CPED1: variants seen among roughly 807,000 people sequenced by gnomAD.
CPED1 encodes the protein cadherin-like and PC-esterase domain-containing protein 1.
Under a neutral mutation model 128.2 loss-of-function variants are expected in CPED1, and 114 were observed. The observed-to-expected ratio is 0.89, with a 90% CI of 0.76 to 1.04. The LOEUF is 1.04. Ranked by LOEUF, CPED1 falls within the 50% of genes least tolerant of loss-of-function variation. The pLI is 0.00. For missense variants in CPED1, 1,211 were observed against 1,207.1 expected (o/e 1.00, Z -0.05); for synonymous variants, 462 against 426.7 (o/e 1.08, Z -1.02).
chr7:121,227,259 C>T lies in CPED1; in HGVS notation c.2056-9455C>T, dbSNP rs545784779. ...GCTGGGCCCCACACCTACATCCATC[C>T]GTTTCTTCTCCTTCCATTGATCCTA... On this transcript the variant is annotated intron_variant, in intron 16 of 22. Transcript: ENST00000310396. 3.3e-5 allele frequency among the ~76,000 whole-genome samples: 5 copies of T among 152,092 alleles called. No homozygotes were observed. The South Asian group carries it at 8.3e-4, about 25-fold the overall frequency.
Position 120,989,844 on chromosome 7 carries a change from T to G in CPED1, c.223T>G (p.Ser75Ala). The change falls in exon 2 of 23, where the codon TCT becomes GCT. Residue 75 changes from serine (S) to alanine (A), a missense_variant. Physicochemically the swap from Ser to Ala is moderately conservative, Grantham distance 99 (BLOSUM62 1). Coordinates refer to ENST00000310396, the MANE Select transcript of CPED1 (RefSeq NM_024913.5). ...TCAGGACAAACAGTGCTTCCTTCTC[T>G]CTGGTAATGCCCAGGAAACCAGAAA... ...FSQDKQCFLL[S>A]GNAQETRKVK... The G allele has an allele frequency of 1.9e-6, 3 of 1,614,140 alleles. No homozygotes were observed. The highest frequency in any genetic ancestry group is 2.5e-6 in the Non-Finnish European group (3 of 1,180,034).
chr7:121,213,553 G>A (rs7786203), intron 16 of CPED1, among the ~76,000 whole-genome samples: 54,779 of 151,786 alleles, frequency 0.36, 10,212 homozygotes, highest in Middle Eastern at 0.5. Context: ...TTTAAAGAGC[G>A]AATGCTTGTA....
intron 2 of CPED1, among the ~76,000 whole-genome samples, chr7:120,998,384 T>G (rs1018443618): frequency 6.6e-6 from 1 of 152,214 alleles, no homozygotes; most frequent in Non-Finnish European, 1.5e-5. Flanking sequence ...GGATTTAGTT[T>G]CCTTACCTGA....
At position 121,245,939 on chromosome 7, in the gene CPED1, C is replaced by A. The variant is rs373240988; in HGVS notation, c.2310+1601C>A. Among the ~76,000 whole-genome samples the A allele has an allele frequency of 1.2e-3, 183 of 151,976 alleles. 1 individual carries two copies. The highest frequency in any genetic ancestry group is 4.2e-3 in the African/African-American group (173 of 41,430). On this transcript the variant is annotated intron_variant, in intron 18 of 22. Transcript: ENST00000310396. ...AACTCCTGACCTCAAGTGATCCACC[C>A]GCCTCGGCCTCCCTAAGTGCTGGGA...
At chr7:121,010,000 T>TCATC (rs1205879995) in intron 2 of CPED1, among the ~76,000 whole-genome samples, 2 of 152,238 alleles carry the variant, frequency 1.3e-5, no homozygotes, top group African/African-American at 4.8e-5. Flanking sequence ...GCTCATTTAT[T>TCATC]CATCCATTCC....
In CPED1 at chr7:121,092,313, C is replaced by T. The variant is rs138369820; in HGVS notation, c.617-5386C>T. ...AACAATAAGTTTGCCTTATACAAAT[C>T]CAGTGAAGTTGCTCAGCAGTTGGCT... On this transcript the variant is annotated intron_variant, in intron 5 of 22. Transcript: ENST00000310396. Among the ~76,000 whole-genome samples, 126 of 152,250 alleles carry T rather than the reference C, an allele frequency of 8.3e-4. 2 individuals carry two copies. Among genetic ancestry groups the T allele is most frequent in the African/African-American group, 2.9e-3 (122 of 41,548 alleles).
At chr7:121,151,767 G>T (rs1236195105) in intron 16 of CPED1, among the ~76,000 whole-genome samples, 1 of 152,154 alleles carries the variant, frequency 6.6e-6, no homozygotes, top group Non-Finnish European at 1.5e-5. Context: ...AAAGCCATTG[G>T]TGTGCTTTCT....
intron 4 of CPED1, among the ~76,000 whole-genome samples, chr7:121,047,665 T>C (rs1465758993): frequency 0.052 from 508 of 9,720 alleles, 10 homozygotes; most frequent in African/African-American, 0.11. Flanking sequence ...CTTCTTCTTC[T>C]TCTTCTTCTT....
At chr7:121,290,929 G>A (rs1792686010) in intron 22 of CPED1, among the ~76,000 whole-genome samples, 1 of 152,126 alleles carries the variant, frequency 6.6e-6, no homozygotes, top group African/African-American at 2.4e-5. Context: ...GGTTTTTATG[G>A]TTTTAGGTCT....
intron 16 of CPED1, among the ~76,000 whole-genome samples, chr7:121,188,078 G>C (rs928989390): frequency 6.6e-6 from 1 of 151,972 alleles, no homozygotes; most frequent in African/African-American, 2.4e-5. Flanking sequence ...AAATTTGATT[G>C]GTATTTTAGT....
chr7:121,081,327 T>C (rs918447767), intron 5 of CPED1, among the ~76,000 whole-genome samples: 5 of 152,172 alleles, frequency 3.3e-5, no homozygotes, highest in Non-Finnish European at 5.9e-5. Flanking sequence ...GGAACATGTC[T>C]GGCAGAAGTA....
At chr7:121,215,623 G>A (rs1797743062) in intron 16 of CPED1, among the ~76,000 whole-genome samples, 1 of 152,012 alleles carries the variant, frequency 6.6e-6, no homozygotes, top group Non-Finnish European at 1.5e-5. Flanking sequence ...TGTATTAGTT[G>A]AGATTTGTCT....
intron 22 of CPED1, among the ~76,000 whole-genome samples, chr7:121,288,292 A>G (rs1444924956): frequency 6.6e-6 from 1 of 152,194 alleles, no homozygotes; most frequent in Non-Finnish European, 1.5e-5. Context: ...TTTTCTACAA[A>G]ATAGTTTCCA....
At chr7:121,036,696 G>T (rs1211489602) in intron 3 of CPED1, among the ~76,000 whole-genome samples, 2 of 151,792 alleles carry the variant, frequency 1.3e-5, no homozygotes, top group Middle Eastern at 3.2e-3. Context: ...CTATTTTAAA[G>T]GTTTTAAGGA....
chr7:121,093,436 G>C (rs542294079), intron 5 of CPED1, among the ~76,000 whole-genome samples: 5 of 88,942 alleles, frequency 5.6e-5, no homozygotes, highest in Non-Finnish European at 1.2e-4. Context: ...ACAGTTGTTT[G>C]TTTGTTTCTC....
intron 16 of CPED1, among the ~76,000 whole-genome samples, chr7:121,190,346 C>A (rs752705007): frequency 2.1e-5 from 3 of 145,650 alleles, no homozygotes; most frequent in Non-Finnish European, 3.0e-5. Flanking sequence ...GAGCCGAGAT[C>A]GCGCCACTGT....
chr7:121,118,768 T>C (rs1795313844), intron 7 of CPED1, among the ~76,000 whole-genome samples: 1 of 152,048 alleles, frequency 6.6e-6, no homozygotes, highest in Non-Finnish European at 1.5e-5. Context: ...AAGCTTTTAC[T>C]GATAAGAGAA....
intron 16 of CPED1, among the ~76,000 whole-genome samples, chr7:121,223,999 T>G (rs1055867506): frequency 2.6e-5 from 4 of 152,200 alleles, no homozygotes; most frequent in African/African-American, 4.8e-5. Flanking sequence ...TCTTGCCTTC[T>G]GCTAGCTTTT....
intron 7 of CPED1, among the ~76,000 whole-genome samples, chr7:121,100,350 C>T (rs1365140346): frequency 6.6e-6 from 1 of 152,134 alleles, no homozygotes; most frequent in African/African-American, 2.4e-5. Flanking sequence ...ATTCTTTGAT[C>T]TACTTATTAC....
Sources: allele counts gnomAD v4.1 joint callset (sites outside exome capture counted in the v4.1 genomes callset), GRCh38; gene constraint gnomAD v4.1.1; transcripts MANE v1.5; gene names NCBI Gene and HGNC (gene_info 2026-07-23, HGNC 2026-07-21).